Variants in PCNX2 observed in about 807,000 individuals in gnomAD.
The protein encoded by PCNX2 is pecanex-like protein 2.
Under a neutral mutation model 223.8 loss-of-function variants are expected in PCNX2, and 168 were observed. The ratio of observed to expected loss-of-function variants is 0.75; its 90% CI spans 0.66 to 0.85. PCNX2 has a LOEUF of 0.85. PCNX2 is among the 40% of genes least tolerant of loss of function. The pLI, the probability that PCNX2 is intolerant of heterozygous loss-of-function variation, is 0.00. For missense variants in PCNX2, 2,507 were observed against 2,675.5 expected (o/e 0.94, Z 1.39); for synonymous variants, 1,006 against 1,052.6 (o/e 0.96, Z 0.86).
chr1:233,007,585 TGG>T (rs1553272433), intron 28 of PCNX2, among the ~76,000 whole-genome samples: 1 of 152,226 alleles, frequency 6.6e-6, no homozygotes, highest in Non-Finnish European at 1.5e-5. Flanking sequence ...TTGCCCAGGC[TGG>T]AGTGCCGTGG....
intron 1 of PCNX2, among the ~76,000 whole-genome samples, chr1:233,284,871 AGT>A (rs146595133): frequency 0.01 from 1,526 of 152,178 alleles, 13 homozygotes; most frequent in South Asian, 0.026. Context: ...ACACCCACTC[AGT>A]GTCCCTCAAC....
chr1:233,242,670 A>G (rs1235106754), intron 8 of PCNX2, among the ~76,000 whole-genome samples: 1 of 152,254 alleles, frequency 6.6e-6, no homozygotes, highest in Non-Finnish European at 1.5e-5. Flanking sequence ...TTTAATTACA[A>G]GATCTACTGA....
At position 233,001,522 on chromosome 1, in the gene PCNX2, A is replaced by AAATAAATAATTAAAAT. The variant is rs755559576; in HGVS notation, c.5097+14_5097+15insATTTTAATTATTTATT. 9.1e-7 allele frequency: 1 copy of AAATAAATAATTAAAAT among 1,099,898 alleles called. No individual in the cohort carries two copies. Among genetic ancestry groups the AAATAAATAATTAAAAT allele is most frequent in the African/African-American group, 1.9e-5 (1 of 52,986 alleles). 68.1% of individuals were successfully genotyped at this position (1,099,898 alleles called of 1,614,324 possible). A position where few individuals can be genotyped will look rare whatever the true frequency, so the allele number is the denominator to read the frequency against. On this transcript the variant is annotated intron_variant, in intron 29 of 33. Coordinates refer to ENST00000258229, the MANE Select transcript of PCNX2 (RefSeq NM_014801.4). The surrounding 1 kb of genome is among the most constrained non-coding windows in gnomAD (Gnocchi z 4.2). Reference sequence around the variant, plus strand: ...TAAATAAATAAATAAATAAATAAATAAAATAGGTTTTTACCTGGTGAAGTT... The same window carrying AAATAAATAATTAAAAT: ...TAAATAAATAAATAAATAAATAAATAAATAAATAATTAAAATAAATAGGTTTTTACCTGGTGAAGTT...
chr1:233,193,245 G>A (rs1680521930), intron 15 of PCNX2, among the ~76,000 whole-genome samples: 1 of 151,330 alleles, frequency 6.6e-6, no homozygotes, highest in Admixed American at 6.6e-5. Context: ...TATAAGGAGA[G>A]GAAAATGATG....
intron 18 of PCNX2, among the ~76,000 whole-genome samples, 177 bp downstream of exon 18, chr1:233,161,094 G>T (rs1011133233): frequency 4.6e-5 from 7 of 152,186 alleles, no homozygotes; most frequent in Admixed American, 3.3e-4. Context: ...TGTGGACCAA[G>T]TCACATCTTG....
chr1:233,240,658 A>G (rs1453884503), intron 8 of PCNX2, among the ~76,000 whole-genome samples: 4 of 152,224 alleles, frequency 2.6e-5, no homozygotes. Flanking sequence ...GCTCCAAGCA[A>G]TAGCAGAAAT....
intron 1 of PCNX2, chr1:233,291,197 G>T: frequency 3.2e-6 from 2 of 634,546 alleles, no homozygotes; most frequent in Non-Finnish European, 3.9e-6. Flanking sequence ...GCAAATAGCT[G>T]ACTCTCCCTG....
chr1:233,278,439 G>C (rs1661022510), intron 1 of PCNX2, among the ~76,000 whole-genome samples: 1 of 152,188 alleles, frequency 6.6e-6, no homozygotes, highest in African/African-American at 2.4e-5. Flanking sequence ...TCCTGCAGCA[G>C]TGACATCATG....
chr1:233,002,508 G>C (rs940001240), intron 28 of PCNX2, among the ~76,000 whole-genome samples: 2 of 152,054 alleles, frequency 1.3e-5, no homozygotes, highest in African/African-American at 4.8e-5. Flanking sequence ...AATAAGAGAG[G>C]ACACAAACAA....
At chr1:233,093,048 C>T (rs1673966979) in intron 22 of PCNX2, among the ~76,000 whole-genome samples, 1 of 152,164 alleles carries the variant, frequency 6.6e-6, no homozygotes, top group Non-Finnish European at 1.5e-5. Flanking sequence ...ATCTGCCCTC[C>T]TTGGCCTCCC....
At chr1:233,168,405 C>T in intron 17 of PCNX2, among the ~76,000 whole-genome samples, 1 of 151,974 alleles carries the variant, frequency 6.6e-6, no homozygotes, top group East Asian at 1.9e-4. Context: ...AGTATCTAAT[C>T]TTAGTGTGCA....
chr1:233,152,556 C>T (rs1425154606), intron 19 of PCNX2, among the ~76,000 whole-genome samples: 1 of 152,174 alleles, frequency 6.6e-6, no homozygotes, highest in Non-Finnish European at 1.5e-5. Context: ...CTTTAACTAA[C>T]ACTAGATACA....
chr1:233,027,240 G>GT (rs1178633050), intron 25 of PCNX2, among the ~76,000 whole-genome samples: 1 of 152,122 alleles, frequency 6.6e-6, no homozygotes, highest in African/African-American at 2.4e-5. Flanking sequence ...ATATGGAGGT[G>GT]TATGTTGATC....
At chr1:233,122,481 G>A (rs1464994455) in intron 21 of PCNX2, among the ~76,000 whole-genome samples, 1 of 151,736 alleles carries the variant, frequency 6.6e-6, no homozygotes, top group Admixed American at 6.6e-5. Flanking sequence ...AGTTAATCAT[G>A]CTTAACATTA....
At chr1:233,289,098 G>A (rs989463108) in intron 1 of PCNX2, 1 of 962,124 alleles carries the variant, frequency 1.0e-6, no homozygotes, top group Admixed American at 1.7e-5. Flanking sequence ...ATGGCTCCTG[G>A]GATGCTTTTG....
chr1:233,287,770 C>T (rs1221950326), intron 1 of PCNX2, among the ~76,000 whole-genome samples: 2 of 152,134 alleles, frequency 1.3e-5, no homozygotes, highest in East Asian at 3.9e-4. Flanking sequence ...GGCTTTAATC[C>T]TAGTCAGGCC....
intron 23 of PCNX2, among the ~76,000 whole-genome samples, chr1:233,072,890 C>T (rs1172633400): frequency 2.0e-5 from 3 of 152,110 alleles, no homozygotes; most frequent in Non-Finnish European, 4.4e-5. Flanking sequence ...GATACTGGCC[C>T]CACAGAATGA....
the PCNX2 span, among the ~76,000 whole-genome samples, chr1:233,303,198 G>T: frequency 2.0e-5 from 3 of 152,070 alleles, no homozygotes; most frequent in African/African-American, 7.2e-5. Context: ...ATTATTTAGA[G>T]TTCAGAGGAC....
upstream of PCNX2, chr1:233,295,818 T>A: frequency 7.7e-6 from 2 of 260,280 alleles, no homozygotes; most frequent in South Asian, 1.7e-4. The surrounding 1 kb of genome is among the most constrained non-coding windows in gnomAD (Gnocchi z 4.1). Context: ...TAGCCTTCGC[T>A]GGGGGCCAGA....
Sources: gnomAD v4.1 joint callset for allele counts (sites outside exome capture counted in the v4.1 genomes callset) on GRCh38, gnomAD v4.1.1 for gene constraint, Gnocchi (gnomAD v3.1) non-coding constraint, MANE v1.5 for transcripts, NCBI Gene and HGNC (gene_info 2026-07-23, HGNC 2026-07-21) for gene names.